Variants in MON2 observed in about 807,000 individuals in gnomAD.
MON2 encodes the protein MON2 regulator of endosome-to-Golgi trafficking, also known as protein MON2 homolog.
MON2 carries 84 observed loss-of-function variants against 208.6 expected under a neutral mutation model. The observed-to-expected ratio is 0.40, with a 90% confidence interval of 0.34 to 0.48. MON2 has a LOEUF of 0.48. Among genes scored for constraint, MON2 ranks in the 20% least tolerant of loss-of-function variants. The probability of loss-of-function intolerance (pLI) is 0.59; values close to 1 mark genes in which losing one functional copy is unlikely to be tolerated. For missense variants in MON2, 1,611 were observed against 2,015.4 expected, an observed-to-expected ratio of 0.80 and a Z score of 3.84; for synonymous variants, 660 against 694.0, an observed-to-expected ratio of 0.95 and a Z score of 0.77.
chr12:62,467,894 G>A (rs1352053883), intron 1 of MON2, among the ~76,000 whole-genome samples: 1 of 151,978 alleles, frequency 6.6e-6, no homozygotes, highest in African/African-American at 2.4e-5. Flanking sequence ...TGGGCTTGCA[G>A]TCAGAGCGAA....
chr12:62,537,633 C>T lies in MON2; in HGVS notation c.2045C>T (p.Thr682Ile), dbSNP rs779114140. 6.2e-7 allele frequency: 1 copy of T among 1,612,916 alleles called. No individual in the cohort carries two copies. Among genetic ancestry groups the T allele is most frequent in the Admixed American group, 1.7e-5 (1 of 59,682 alleles). The change falls in exon 16 of 35, where the codon ACT becomes ATT. Residue 682 changes from threonine (T) to isoleucine (I), a missense_variant. Coordinates refer to ENST00000393630, the MANE Select transcript of MON2 (RefSeq NM_015026.3). Reference sequence around the variant, plus strand: ...TCCAAAAATATCCAGTGTATGAGGACTTTACTTAACTTGGCGCATTGCCAT... The same window carrying T: ...TCCAAAAATATCCAGTGTATGAGGATTTTACTTAACTTGGCGCATTGCCAT... ...LTSKNIQCMR[T>I]LLNLAHCHGA...
In MON2 at chr12:62,553,029, G is replaced by T; in HGVS notation, c.3065G>T (p.Trp1022Leu). The T allele has an allele frequency of 6.2e-7, 1 of 1,614,142 alleles. No homozygotes were observed. The highest frequency in any genetic ancestry group is 8.5e-7 in the Non-Finnish European group (1 of 1,180,014). ...FHPAPPFDCL[W>L]LCLYAKLGEL... ...CCTGCACCGCCATTTGATTGCTTGT[G>T]GTTATGTCTTTATGCAAAATTGGGT... The change falls in exon 24 of 35, where the codon TGG becomes TTG. Residue 1022 changes from tryptophan (W) to leucine (L), a missense_variant. Trp to Leu is a moderately conservative substitution (Grantham distance 61). Transcript: ENST00000393630.
chr12:62,588,367 CCTTA>C (rs1431910867), intron 34 of MON2, among the ~76,000 whole-genome samples: 3 of 132,258 alleles, frequency 2.3e-5, no homozygotes, highest in South Asian at 2.4e-4. Context: ...AAGCAGTCTA[CCTTA>C]CTTTTTTTTT....
rs776258647 is a variant in MON2, at chr12:62,532,675, G to A, written c.1633+5G>A. The stretch of plus-strand genomic sequence containing the variant: ...ACCAAATGGATAAGGAAATTGGTAT[G>A]AGTCTGTATTTTTAATTTTTATTGG... On this transcript the variant is annotated splice_donor_5th_base_variant and intron_variant, in intron 12 of 34. Coordinates refer to ENST00000393630, the MANE Select transcript of MON2 (RefSeq NM_015026.3). 1.3e-6 allele frequency: 2 copies of A among 1,580,608 alleles called. No individual in the cohort carries two copies. The highest frequency in any genetic ancestry group is 8.7e-7 in the Non-Finnish European group (1 of 1,154,634).
intron 7 of MON2, among the ~76,000 whole-genome samples, chr12:62,506,863 G>T (rs1456235882): frequency 6.6e-6 from 1 of 152,120 alleles, no homozygotes; most frequent in Admixed American, 6.6e-5. Flanking sequence ...TATAGCTTCA[G>T]TGAAATTTGG....
intron 1 of MON2, among the ~76,000 whole-genome samples, chr12:62,480,693 T>A (rs1280681091): frequency 6.6e-6 from 1 of 152,262 alleles, no homozygotes; most frequent in Non-Finnish European, 1.5e-5. Flanking sequence ...ATGGCGAATT[T>A]GAAATCATTT....
intron 4 of MON2, among the ~76,000 whole-genome samples, chr12:62,497,779 C>G (rs1348588643): frequency 6.6e-6 from 1 of 152,138 alleles, no homozygotes; most frequent in Non-Finnish European, 1.5e-5. Context: ...CCACACCCAA[C>G]TAATTTTTGT....
In MON2 at chr12:62,549,789, A is replaced by G. The variant is rs770537870; in HGVS notation, c.2875A>G (p.Asn959Asp). 1.1e-5 allele frequency: 17 copies of G among 1,610,760 alleles called. No individual in the cohort carries two copies. The highest frequency in any genetic ancestry group is 1.4e-5 in the Non-Finnish European group (17 of 1,178,438). The change falls in exon 23 of 35, where the codon AAC becomes GAC. Residue 959 changes from asparagine (N) to aspartate (D), a missense_variant. Physicochemically the swap from Asn to Asp is conservative, Grantham distance 23. Transcript: ENST00000393630. ...TGTTGCAGGTAGCTTTGGCCTCCAT[A>G]ACCAAGAACTCAATATTAGTTTAAC... ...VDVAGSFGLH[N>D]QELNISLTSI...
intron 22 of MON2, among the ~76,000 whole-genome samples, chr12:62,548,927 A>G (rs2073619347): frequency 6.6e-6 from 1 of 152,284 alleles, no homozygotes; most frequent in African/African-American, 2.4e-5. Flanking sequence ...AAGATACAGT[A>G]CGGATATAAA....
Position 62,592,705 on chromosome 12 carries a change from T to G in MON2, c.5110T>G (p.Phe1704Val), listed in dbSNP as rs1445945152. ...LKEALVPFKD[F>V]MQPPASRVQN... The stretch of plus-strand genomic sequence containing the variant: ...AGAGGCACTAGTTCCTTTTAAGGAT[T>G]TCATGCAGCCACCAGCATCCAGAGT... The change falls in exon 35 of 35, where the codon TTC becomes GTC. Residue 1704 changes from phenylalanine to valine, a missense_variant. Coordinates refer to ENST00000393630, the MANE Select transcript of MON2 (RefSeq NM_015026.3). 6.2e-7 allele frequency: 1 copy of G among 1,605,210 alleles called. No homozygotes were observed. Among genetic ancestry groups the G allele is most frequent in the East Asian group, 2.2e-5 (1 of 44,818 alleles).
chr12:62,501,009 T>G, intron 6 of MON2, 129 bp downstream of exon 6: 1 of 517,864 alleles, frequency 1.9e-6, no homozygotes, highest in Non-Finnish European at 3.4e-6. Flanking sequence ...AGTATTAAGA[T>G]AGTTCTAAAG....
chr12:62,512,851 T>A lies in MON2; in HGVS notation c.984+4371T>A, dbSNP rs368790508. Among the ~76,000 whole-genome samples, 34 of 152,284 alleles carry A rather than the reference T, an allele frequency of 2.2e-4. 1 individual carries two copies. The East Asian group carries it at 3.9e-3, about 17-fold the overall frequency. On this transcript the variant is annotated intron_variant, in intron 8 of 34. Coordinates refer to ENST00000393630, the MANE Select transcript of MON2 (RefSeq NM_015026.3). ...AGATGTTTCCATACATCTTCTGAAA[T>A]CTAGGCAGAGGTTTCCAAACCTCAA...
rs545342956 is a variant in MON2 at position 62,585,453 on chromosome 12, A to G, written c.4859A>G (p.His1620Arg). The G allele has an allele frequency of 1.5e-5, 25 of 1,613,612 alleles. No homozygotes were observed. The East Asian group carries it at 4.2e-4, about 27-fold the overall frequency. ...VLLKRSQDVL[H>R]RYIEDERLSG... Reference sequence around the variant, plus strand: ...TTAAAGAGGTCCCAAGATGTACTACATCGCTATATAGAGGATGAAAGATTA... The same window carrying G: ...TTAAAGAGGTCCCAAGATGTACTACGTCGCTATATAGAGGATGAAAGATTA... Residue 1620 changes from histidine to arginine, a missense_variant, in exon 33 of 35, where the codon CAT becomes CGT. Transcript: ENST00000393630.
At chr12:62,499,072 C>T (rs1468003304) in intron 5 of MON2, 24 bp downstream of exon 5, 8 of 1,603,944 alleles carry the variant, frequency 5.0e-6, no homozygotes, top group African/African-American at 1.3e-5. Context: ...AGTTGTTTTA[C>T]TTTGTGGGTG....
intron 33 of MON2, among the ~76,000 whole-genome samples, chr12:62,585,969 A>G (rs1261327864): frequency 7.2e-5 from 11 of 152,202 alleles, no homozygotes; most frequent in African/African-American, 1.4e-4. Flanking sequence ...TTTTCATCCA[A>G]TCTGCTTAGT....
At position 62,584,587 on chromosome 12, in the gene MON2, C is replaced by T. The variant is rs1170878267; in HGVS notation, c.4700-707C>T. Among the ~76,000 whole-genome samples the T allele has an allele frequency of 1.6e-4, 24 of 151,560 alleles. No individual in the cohort carries two copies. In the East Asian group the frequency reaches 4.1e-3, roughly 26 times the overall value. On this transcript the variant is annotated intron_variant, in intron 32 of 34. Coordinates refer to ENST00000393630, the MANE Select transcript of MON2 (RefSeq NM_015026.3). ...GTGTGGTGGCACGTGCCTGTAGTCC[C>T]AGCTATTCAGGAGGCTGAGGCAGGA...
intron 2 of MON2, among the ~76,000 whole-genome samples, chr12:62,486,387 A>AG (rs2069794781): frequency 6.6e-6 from 1 of 152,042 alleles, no homozygotes; most frequent in Non-Finnish European, 1.5e-5. Flanking sequence ...ATATATAGGC[A>AG]GGCTGTTAAT....
intron 11 of MON2, among the ~76,000 whole-genome samples, chr12:62,526,797 T>C (rs2136194282): frequency 6.6e-6 from 1 of 152,242 alleles, no homozygotes; most frequent in South Asian, 2.1e-4. Context: ...TATGAGGCAG[T>C]TATAGATATA....
rs1425534809 is a variant in MON2 at position 62,524,655 on chromosome 12, T to C, written c.1109+16T>C. 6.2e-7 allele frequency: 1 copy of C among 1,609,616 alleles called. No individual in the cohort carries two copies. The highest frequency in any genetic ancestry group is 2.2e-5 in the East Asian group (1 of 44,806). The stretch of plus-strand genomic sequence containing the variant: ...AACTATTAAGGTAAAACCTCAGCAA[T>C]AGTTTGTTAAATAGATAGGTTAATG... On this transcript the variant is annotated intron_variant, in intron 9 of 34. Coordinates refer to ENST00000393630, the MANE Select transcript of MON2 (RefSeq NM_015026.3).
Sources: allele counts gnomAD v4.1 joint callset (sites outside exome capture counted in the v4.1 genomes callset), GRCh38; gene constraint gnomAD v4.1.1; transcripts MANE v1.5; gene names NCBI Gene and HGNC (gene_info 2026-07-23, HGNC 2026-07-21).